The following SETBP1 variants were observed in gnomAD, a reference collection of about 807,000 sequenced individuals.
SETBP1 encodes SET-binding protein.
In SETBP1, 9 loss-of-function variants were observed where a neutral mutation model predicts 101.0. The ratio of observed to expected loss-of-function variants is 0.09; its 90% confidence interval spans 0.05 to 0.16. SETBP1 has a LOEUF of 0.16. Among genes scored for constraint, SETBP1 ranks in the 10% least tolerant of loss-of-function variants. SETBP1 has a pLI of 1.00. For missense variants in SETBP1, 1,858 were observed against 2,033.8 expected (o/e 0.91, Z 1.66); for synonymous variants, 818 against 788.5 (o/e 1.04, Z -0.63).
At chr18:44,961,314 T>G (rs2071605916) in intron 4 of SETBP1, among the ~76,000 whole-genome samples, 1 of 152,198 alleles carries the variant, frequency 6.6e-6, no homozygotes, top group African/African-American at 2.4e-5. Context: ...AATGAAAATA[T>G]GCATGAACAT....
At position 44,790,669 on chromosome 18, in the gene SETBP1, C is replaced by G. The variant is rs952856263; in HGVS notation, c.487-78561C>G. Among the ~76,000 whole-genome samples, 17 of 152,270 alleles carry G rather than the reference C, an allele frequency of 1.1e-4. No homozygotes were observed. The East Asian group carries it at 3.3e-3, about 29-fold the overall frequency. ...CTGCATGACAGAAATGCATGGGGAACTTTTTGAAGACCAAAATGCCTTGGT... is the reference window on the plus strand; with the variant it reads ...CTGCATGACAGAAATGCATGGGGAAGTTTTTGAAGACCAAAATGCCTTGGT... On this transcript the variant is annotated intron_variant, in intron 2 of 5. Coordinates refer to ENST00000649279, the MANE Select transcript of SETBP1 (RefSeq NM_015559.3).
intron 2 of SETBP1, among the ~76,000 whole-genome samples, chr18:44,737,851 A>C (rs757124637): frequency 6.6e-6 from 1 of 152,206 alleles, no homozygotes; most frequent in African/African-American, 2.4e-5. Flanking sequence ...TCCCATCAGC[A>C]TGGGCCAAAC....
chr18:44,763,930 T>G (rs2070711332), intron 2 of SETBP1, among the ~76,000 whole-genome samples: 1 of 152,200 alleles, frequency 6.6e-6, no homozygotes, highest in Non-Finnish European at 1.5e-5. Context: ...TTCTCTGTCC[T>G]TTCTCATGGC....
intron 3 of SETBP1, among the ~76,000 whole-genome samples, chr18:44,899,429 A>T (rs961107399): frequency 6.6e-6 from 1 of 152,188 alleles, no homozygotes; most frequent in African/African-American, 2.4e-5. Context: ...CTGTCTCCAA[A>T]ATAAAACTGC....
At chr18:44,971,805 A>C (rs1358732825) in intron 4 of SETBP1, among the ~76,000 whole-genome samples, 2 of 151,920 alleles carry the variant, frequency 1.3e-5, no homozygotes, top group African/African-American at 4.8e-5. Flanking sequence ...GATTGCAAAA[A>C]TTTTCTCCCA....
chr18:45,013,695 C>A (rs1012303357), intron 4 of SETBP1, among the ~76,000 whole-genome samples: 1 of 152,172 alleles, frequency 6.6e-6, no homozygotes, highest in Middle Eastern at 3.2e-3. Flanking sequence ...GCCTTGGCCT[C>A]CCAAAGTCCT....
chr18:44,789,155 G>A (rs542161931), intron 2 of SETBP1, among the ~76,000 whole-genome samples: 1 of 152,148 alleles, frequency 6.6e-6, no homozygotes, highest in Non-Finnish European at 1.5e-5. Context: ...TAGATCTAAT[G>A]GACTTTTTGA....
chr18:45,063,192 C>T lies in SETBP1; in HGVS notation c.4285C>T (p.His1429Tyr), dbSNP rs1396727839. 1.9e-6 allele frequency: 3 copies of T among 1,613,850 alleles called. No individual in the cohort carries two copies. The highest frequency in any genetic ancestry group is 2.5e-6 in the Non-Finnish European group (3 of 1,179,984). Residue 1429 changes from histidine to tyrosine, a missense_variant, in exon 6 of 6, where the codon CAC (histidine) becomes TAC (tyrosine). His to Tyr is a moderately conservative substitution (Grantham distance 83). Coordinates refer to ENST00000649279, the MANE Select transcript of SETBP1 (RefSeq NM_015559.3). ...CCTGTCCACCAAGAAGAACCTGGAC[C>T]ACGTGAACAAGATCCTGAAGGCCAA... is the stretch of plus-strand genomic sequence containing the variant. ...KILSTKKNLD[H>Y]VNKILKAKRL...
intron 2 of SETBP1, among the ~76,000 whole-genome samples, chr18:44,728,519 G>T (rs1320088138): frequency 6.6e-6 from 1 of 152,146 alleles, no homozygotes; most frequent in African/African-American, 2.4e-5. Context: ...GGATTCTAAG[G>T]TAGTCATTGT....
intron 2 of SETBP1, among the ~76,000 whole-genome samples, chr18:44,703,981 T>C (rs1035165457): frequency 6.6e-6 from 1 of 152,212 alleles, no homozygotes. Context: ...TCTTGAGTAA[T>C]GGTTACCCTT....
At chr18:45,013,023 G>C (rs1402586200) in intron 4 of SETBP1, among the ~76,000 whole-genome samples, 1 of 152,238 alleles carries the variant, frequency 6.6e-6, no homozygotes, top group Non-Finnish European at 1.5e-5. Flanking sequence ...CTGCAGTCCT[G>C]GAAGGCGACA....
chr18:44,738,087 T>C (rs1486807355), intron 2 of SETBP1, among the ~76,000 whole-genome samples: 1 of 152,184 alleles, frequency 6.6e-6, no homozygotes, highest in Non-Finnish European at 1.5e-5. Context: ...GTCTTCCTCC[T>C]CTGAGAACCT....
intron 1 of SETBP1, among the ~76,000 whole-genome samples, chr18:44,685,827 C>T (rs1034987563): frequency 3.9e-5 from 6 of 152,114 alleles, no homozygotes; most frequent in African/African-American, 1.4e-4. Flanking sequence ...AATAATTCAA[C>T]CGATGTCCAT....
chr18:45,045,898 T>A (rs1389896913), intron 5 of SETBP1, among the ~76,000 whole-genome samples: 1 of 152,072 alleles, frequency 6.6e-6, no homozygotes, highest in Non-Finnish European at 1.5e-5. Context: ...CTTTTTTATC[T>A]TTTTCCCCCT....
intron 4 of SETBP1, among the ~76,000 whole-genome samples, chr18:45,024,943 A>G (rs1233615449): frequency 6.6e-6 from 1 of 152,258 alleles, no homozygotes; most frequent in Non-Finnish European, 1.5e-5. Context: ...TCTCATTTAC[A>G]TAATGGATGA....
intron 3 of SETBP1, among the ~76,000 whole-genome samples, chr18:44,922,162 G>A (rs896633663): frequency 2.0e-5 from 3 of 152,210 alleles, no homozygotes; most frequent in African/African-American, 7.2e-5. Context: ...TATAGATTAG[G>A]ATAGTAAGGA....
chr18:44,688,683 G>A (rs1240292596), intron 1 of SETBP1, among the ~76,000 whole-genome samples: 1 of 152,020 alleles, frequency 6.6e-6, no homozygotes, highest in Non-Finnish European at 1.5e-5. Flanking sequence ...TCGAACTCCT[G>A]ACCTCATGAT....
At chr18:44,879,680 A>G (rs1375916390) in intron 3 of SETBP1, among the ~76,000 whole-genome samples, 4 of 152,180 alleles carry the variant, frequency 2.6e-5, no homozygotes, top group African/African-American at 9.7e-5. Flanking sequence ...GATGCTTGCC[A>G]TTTTAAATGA....
intron 2 of SETBP1, among the ~76,000 whole-genome samples, chr18:44,834,523 C>T (rs922421671): frequency 1.3e-5 from 2 of 152,074 alleles, no homozygotes; most frequent in African/African-American, 4.8e-5. Flanking sequence ...GGTGGCTAAT[C>T]CCAGAGATGA....
Sources: gnomAD v4.1 joint callset for allele counts (sites outside exome capture counted in the v4.1 genomes callset) on GRCh38, gnomAD v4.1.1 for gene constraint, MANE v1.5 for transcripts, NCBI Gene and HGNC (gene_info 2026-07-23, HGNC 2026-07-21) for gene names.